The following ASB2 variants were observed in gnomAD, a reference collection of about 807,000 sequenced individuals.
The protein encoded by ASB2 is ankyrin repeat and SOCS box containing 2.
Under a neutral mutation model 62.4 loss-of-function variants are expected in ASB2, and 58 were observed. The observed-to-expected ratio is 0.93, with a 90% CI of 0.75 to 1.16. The LOEUF (loss-of-function observed/expected upper bound fraction) is 1.16, where lower values mean the gene tolerates loss of function less well. ASB2 is among the 50% of genes most tolerant of loss of function. The pLI, the probability that ASB2 is intolerant of heterozygous loss-of-function variation, is 0.00. For missense variants in ASB2, 928 were observed against 887.9 expected, an observed-to-expected ratio of 1.05 and a Z score of -0.57; for synonymous variants, 386 against 385.3, an observed-to-expected ratio of 1.00 and a Z score of -0.02.
rs1889526993 is a variant in ASB2, at chr14:93,964,599, C to A, written c.-60G>T. The A allele has an allele frequency of 2.7e-6, 4 of 1,485,408 alleles. No individual in the cohort carries two copies. The highest frequency in any genetic ancestry group is 2.0e-5 in the Admixed American group (1 of 50,862). The allele number at this position is 1,485,408 out of a possible 1,614,324, so 92.0% of individuals were successfully genotyped here. On this transcript the variant is annotated 5_prime_UTR_variant, in exon 2 of 10. Transcript: ENST00000555019. ...ACACCCAGTGGGGAGGAGGGAACAG[C>A]AAATCAGAAAACCCTGTGAGGAAAC...
intron 3 of ASB2, among the ~76,000 whole-genome samples, chr14:93,956,446 T>C (rs1889207007): frequency 6.6e-6 from 1 of 152,070 alleles, no homozygotes; most frequent in African/African-American, 2.4e-5. Context: ...CTCCCCAATT[T>C]CCCTCGTGCT....
Position 93,964,544 on chromosome 14 carries a change from C to T in ASB2, c.-5G>A, listed in dbSNP as rs1288398567. 4 of 1,535,872 alleles carry T rather than the reference C, an allele frequency of 2.6e-6. No homozygotes were observed. Among genetic ancestry groups the T allele is most frequent in the East Asian group, 2.4e-5 (1 of 40,938 alleles). On this transcript the variant is annotated 5_prime_UTR_variant, in exon 2 of 10. Transcript: ENST00000555019. ...AGTGCTGATCTGCGTGGCCATCCTC[C>T]TCCACCTCTCACCCTGGCCTCCAGA... is the stretch of plus-strand genomic sequence containing the variant.
chr14:93,970,707 T>G (rs1315764734), intron 1 of ASB2, among the ~76,000 whole-genome samples: 1 of 152,176 alleles, frequency 6.6e-6, no homozygotes, highest in Non-Finnish European at 1.5e-5. Flanking sequence ...AGAAGTTTAC[T>G]GCACAGTGGT....
chr14:93,954,389 T>C lies in ASB2; in HGVS notation c.406A>G (p.Lys136Glu), dbSNP rs1207696961. ...TCGTGCAGCGGCAGCCAGCCCTCCT[T>C]GTTGGGCTCTGCGAGATTCTTCCCT... is the stretch of plus-strand genomic sequence containing the variant. ...KEGKNLAEPN[K>E]EGWLPLHEAA... The change falls in exon 4 of 10, where the codon AAG becomes GAG. Residue 136 changes from lysine (K) to glutamate (E), a missense_variant. By Grantham distance (56) the Lys-to-Glu change is moderately conservative (BLOSUM62 1). Coordinates refer to ENST00000555019, the MANE Select transcript of ASB2 (RefSeq NM_001202429.2). The C allele has an allele frequency of 2.5e-6, 4 of 1,613,590 alleles. No individual in the cohort carries two copies. Among genetic ancestry groups the C allele is most frequent in the Non-Finnish European group, 3.4e-6 (4 of 1,179,500 alleles).
chr14:93,940,715 G>A (rs1328080541), intron 7 of ASB2, among the ~76,000 whole-genome samples: 2 of 152,198 alleles, frequency 1.3e-5, no homozygotes, highest in African/African-American at 4.8e-5. Context: ...GCAACCACCA[G>A]TTCCTCTCTT....
intron 2 of ASB2, among the ~76,000 whole-genome samples, chr14:93,957,889 G>A (rs764574905): frequency 3.9e-5 from 6 of 152,116 alleles, no homozygotes; most frequent in Non-Finnish European, 7.4e-5. Context: ...CCAGTGGCCC[G>A]GGCCTTTCAC....
At chr14:93,955,266 G>C in intron 3 of ASB2, 1 of 419,534 alleles carries the variant, frequency 2.4e-6, no homozygotes, top group Non-Finnish European at 4.8e-6. Context: ...GGCTAGGATG[G>C]GCTCTGGGCG....
chr14:93,971,300 G>A (rs1034164080), intron 1 of ASB2, among the ~76,000 whole-genome samples: 7 of 151,612 alleles, frequency 4.6e-5, no homozygotes, highest in African/African-American at 1.7e-4. Context: ...GCCCTCCCCC[G>A]AAGCCAGCTT....
intron 1 of ASB2, among the ~76,000 whole-genome samples, chr14:93,968,027 C>T (rs936463507): frequency 4.6e-5 from 7 of 152,180 alleles, no homozygotes; most frequent in Admixed American, 3.3e-4. Context: ...ATGATTATTT[C>T]GTGGGGACCC....
intron 6 of ASB2, 83 bp from the exon 7 acceptor site, chr14:93,947,603 T>A: frequency 7.0e-7 from 1 of 1,438,504 alleles, no homozygotes; most frequent in East Asian, 2.3e-5. Context: ...GTGGTGGGCC[T>A]GCTGTGCTAA....
intron 5 of ASB2, among the ~76,000 whole-genome samples, chr14:93,951,772 G>A (rs372587877): frequency 1.3e-5 from 2 of 152,216 alleles, no homozygotes; most frequent in Admixed American, 6.5e-5. Context: ...CTTTCTAGAT[G>A]AGGAGTCAGC....
At chr14:93,938,697 C>T (rs1340770827) in intron 8 of ASB2, among the ~76,000 whole-genome samples, 1 of 150,510 alleles carries the variant, frequency 6.6e-6, no homozygotes. Context: ...CTGGAGGTGA[C>T]GAGCCTCTTA....
chr14:93,960,268 C>T (rs1440471378), intron 2 of ASB2, among the ~76,000 whole-genome samples: 4 of 152,212 alleles, frequency 2.6e-5, no homozygotes, highest in Non-Finnish European at 4.4e-5. Flanking sequence ...CCCTCTGTAA[C>T]TGAGGAAGCT....
Position 93,964,399 on chromosome 14 carries a change from G to C in ASB2, c.141C>G (p.Thr47=), listed in dbSNP as rs546810978. Residue 47 remains threonine (T), a synonymous_variant, in exon 2 of 10, where the codon ACC becomes ACG. Transcript: ENST00000555019. ...ATGCAGACGCGGTGGCCTCAGCAGTGGTTGGGCCCCTTGTCTTGTCCGCTA... is the reference window on the plus strand; with the variant it reads ...ATGCAGACGCGGTGGCCTCAGCAGTCGTTGGGCCCCTTGTCTTGTCCGCTA... ...QSLADKTRGP[T]TAEATASACT... 1 of 1,536,098 alleles carries C rather than the reference G, an allele frequency of 6.5e-7. No homozygotes were observed. Among genetic ancestry groups the C allele is most frequent in the South Asian group, 1.2e-5 (1 of 84,062 alleles).
intron 5 of ASB2, 119 bp from the exon 6 acceptor site, chr14:93,951,363 T>G: frequency 8.1e-7 from 1 of 1,235,788 alleles, no homozygotes; most frequent in South Asian, 1.5e-5. Context: ...ACTGCATGTG[T>G]ATTAAGTTCC....
chr14:93,956,862 G>T lies in ASB2; in HGVS notation c.215C>A (p.Ala72Glu), dbSNP rs760374699. ...CCGGGCCGGCGAACTCTCAGGAGGTGCAGTGGACCTGGAGGGTGCAGAGCA... is the reference window on the plus strand; with the variant it reads ...CCGGGCCGGCGAACTCTCAGGAGGTTCAGTGGACCTGGAGGGTGCAGAGCA... ...AHFYPWTRSTAPPESSPARAP... is the reference protein window; with the variant it reads ...AHFYPWTRSTEPPESSPARAP... The change falls in exon 3 of 10, where the codon GCA becomes GAA. Residue 72 changes from alanine (A) to glutamate (E), a missense_variant. Coordinates refer to ENST00000555019, the MANE Select transcript of ASB2 (RefSeq NM_001202429.2). The T allele has an allele frequency of 1.2e-6, 2 of 1,614,104 alleles. No individual in the cohort carries two copies. The highest frequency in any genetic ancestry group is 1.3e-5 in the African/African-American group (1 of 74,930).
intron 2 of ASB2, among the ~76,000 whole-genome samples, chr14:93,957,877 C>A (rs1889281316): frequency 2.0e-5 from 3 of 152,152 alleles, no homozygotes; most frequent in Non-Finnish European, 4.4e-5. Context: ...ACTCTCGACA[C>A]CCCAGTGGCC....
At chr14:93,957,576 G>T (rs2402377) in intron 2 of ASB2, among the ~76,000 whole-genome samples, 72,328 of 152,078 alleles carry the variant, frequency 0.48, 18,144 homozygotes, top group East Asian at 0.97. Context: ...CCTGCAAGGT[G>T]GCATGAAAAC....
intron 8 of ASB2, among the ~76,000 whole-genome samples, chr14:93,938,599 T>C (rs1350810427): frequency 6.6e-6 from 1 of 152,188 alleles, no homozygotes; most frequent in Non-Finnish European, 1.5e-5. Context: ...GCTGGCTTTC[T>C]GCTTCTGACC....
Sources: gnomAD v4.1 joint callset for allele counts (sites outside exome capture counted in the v4.1 genomes callset) on GRCh38, gnomAD v4.1.1 for gene constraint, MANE v1.5 for transcripts, NCBI Gene and HGNC (gene_info 2026-07-23, HGNC 2026-07-21) for gene names.